Variants in PAK5 observed in about 807,000 individuals in gnomAD.
PAK5 encodes the protein serine/threonine-protein kinase PAK 5.
In PAK5, 16 loss-of-function variants were observed where a neutral mutation model predicts 65.9. That is an observed-to-expected ratio of 0.24 (90% CI 0.16 to 0.37). The LOEUF (loss-of-function observed/expected upper bound fraction) is 0.37. Ranked by LOEUF, PAK5 falls within the 10% of genes least tolerant of loss-of-function variation. PAK5 has a pLI of 1.00. For synonymous variants in PAK5, 371 were observed against 354.9 expected (o/e 1.05, Z -0.51); for missense variants, 785 against 903.9 (o/e 0.87, Z 1.69).
At chr20:9,641,778 G>A (rs556531351) in intron 3 of PAK5, among the ~76,000 whole-genome samples, 2,073 of 152,246 alleles carry the variant, frequency 0.014, 18 homozygotes, top group Middle Eastern at 0.037. Flanking sequence ...GCACAGCGCC[G>A]GTGGGCCGGC....
chr20:9,686,954 G>A (rs1429703573), intron 2 of PAK5, among the ~76,000 whole-genome samples: 1 of 152,192 alleles, frequency 6.6e-6, no homozygotes, highest in Non-Finnish European at 1.5e-5. Flanking sequence ...GTGACTCAGT[G>A]TGTGACTGAG....
chr20:9,685,292 A>G (rs1387376992), intron 2 of PAK5, among the ~76,000 whole-genome samples: 2 of 152,158 alleles, frequency 1.3e-5, no homozygotes, highest in East Asian at 3.8e-4. Context: ...TGAAGTCCTA[A>G]CTTCCAAGGT....
At chr20:9,684,035 T>A (rs776019444) in intron 2 of PAK5, among the ~76,000 whole-genome samples, 5 of 152,208 alleles carry the variant, frequency 3.3e-5, no homozygotes, top group Non-Finnish European at 7.3e-5. Context: ...GGGTCCCTGA[T>A]GGAGCATGTG....
At chr20:9,754,427 A>T (rs1202466958) in intron 1 of PAK5, among the ~76,000 whole-genome samples, 1 of 152,018 alleles carries the variant, frequency 6.6e-6, no homozygotes, top group African/African-American at 2.4e-5. Context: ...TGTTGAGTCC[A>T]TTCCTGGGTG....
chr20:9,644,880 T>C lies in PAK5; in HGVS notation c.-11-541A>G, dbSNP rs1199142907. Among the ~76,000 whole-genome samples, 3 of 152,192 alleles carry C rather than the reference T, an allele frequency of 2.0e-5. No homozygotes were observed. The East Asian group carries it at 5.8e-4, about 29-fold the overall frequency. ...AATGTATGTAATGAAGCCACTGAGA[T>C]TTTGGCCTTGTTTGTTATATAGCAT... On this transcript the variant is annotated intron_variant, in intron 2 of 9. Coordinates refer to ENST00000353224, the MANE Select transcript of PAK5 (RefSeq NM_177990.4).
intron 1 of PAK5, among the ~76,000 whole-genome samples, chr20:9,757,303 A>G (rs1359708017): frequency 6.6e-6 from 1 of 152,180 alleles, no homozygotes; most frequent in Non-Finnish European, 1.5e-5. Flanking sequence ...CATAAACCTA[A>G]CAACTTCTTA....
intron 2 of PAK5, among the ~76,000 whole-genome samples, chr20:9,672,452 T>C (rs1209341875): frequency 6.6e-6 from 1 of 150,982 alleles, no homozygotes; most frequent in Admixed American, 6.6e-5. Flanking sequence ...AATTGAACCA[T>C]GGGGGTGGGT....
intron 2 of PAK5, among the ~76,000 whole-genome samples, chr20:9,708,793 T>G (rs1442115172): frequency 6.6e-6 from 1 of 152,148 alleles, no homozygotes; most frequent in Admixed American, 6.5e-5. Flanking sequence ...TGGGAGAAGA[T>G]AGCTAAATAC....
chr20:9,788,451 C>G (rs935000994), intron 1 of PAK5, among the ~76,000 whole-genome samples: 4 of 152,072 alleles, frequency 2.6e-5, no homozygotes, highest in Non-Finnish European at 5.9e-5. Context: ...ACAGCTAACC[C>G]TCTTCAACTG....
At chr20:9,811,788 C>T (rs962416408) in intron 1 of PAK5, among the ~76,000 whole-genome samples, 12 of 152,282 alleles carry the variant, frequency 7.9e-5, no homozygotes, top group African/African-American at 2.4e-4. Context: ...CAAAGTTGGA[C>T]AATGGAAGAA....
chr20:9,667,640 C>G (rs1261257757), intron 2 of PAK5, among the ~76,000 whole-genome samples: 1 of 152,126 alleles, frequency 6.6e-6, no homozygotes, highest in Non-Finnish European at 1.5e-5. Context: ...AATCACCCAA[C>G]CAAATGTTGA....
intron 1 of PAK5, among the ~76,000 whole-genome samples, chr20:9,834,787 A>G (rs924470041): frequency 2.6e-5 from 4 of 152,120 alleles, no homozygotes; most frequent in Non-Finnish European, 5.9e-5. Flanking sequence ...TAAATGTATT[A>G]TTTATTTATT....
At chr20:9,601,841 G>C (rs1004021677) in intron 3 of PAK5, among the ~76,000 whole-genome samples, 3 of 152,122 alleles carry the variant, frequency 2.0e-5, no homozygotes, top group African/African-American at 7.2e-5. Context: ...GAACAGACCT[G>C]AACCCAACCT....
At position 9,665,590 on chromosome 20, in the gene PAK5, C is replaced by T. The variant is rs2047405837; in HGVS notation, c.-11-21251G>A. On this transcript the variant is annotated intron_variant, in intron 2 of 9. Transcript: ENST00000353224. ...CTCAGTCTCCTGGGCTCAAGTCATC[C>T]TCCCACCTCAGCCTCCTGATTAGCT... Among the ~76,000 whole-genome samples the T allele has an allele frequency of 2.0e-5, 3 of 152,064 alleles. No individual in the cohort carries two copies. In the South Asian group the frequency reaches 6.2e-4, roughly 32 times the overall value.
At chr20:9,581,290 G>A (rs1464762386) in intron 3 of PAK5, among the ~76,000 whole-genome samples, 1 of 152,088 alleles carries the variant, frequency 6.6e-6, no homozygotes, top group South Asian at 2.1e-4. Context: ...CTAATGATGA[G>A]CTGATAATTA....
intron 3 of PAK5, among the ~76,000 whole-genome samples, chr20:9,600,593 A>G (rs2046342606): frequency 1.3e-5 from 2 of 152,206 alleles, no homozygotes; most frequent in South Asian, 4.1e-4. Flanking sequence ...CTTATTTGTC[A>G]TAATAGATAA....
At chr20:9,661,994 C>G (rs1279771310) in intron 2 of PAK5, among the ~76,000 whole-genome samples, 4 of 152,142 alleles carry the variant, frequency 2.6e-5, no homozygotes, top group African/African-American at 9.7e-5. Context: ...TCCTGGAAGA[C>G]AGAAGGCCCT....
At chr20:9,761,490 A>G (rs1013373778) in intron 1 of PAK5, among the ~76,000 whole-genome samples, 3 of 152,204 alleles carry the variant, frequency 2.0e-5, no homozygotes, top group African/African-American at 7.2e-5. Flanking sequence ...ATTTTGCATC[A>G]AAATTCTATC....
intron 7 of PAK5, among the ~76,000 whole-genome samples, chr20:9,546,601 G>A (rs1342759398): frequency 6.6e-6 from 1 of 152,146 alleles, no homozygotes; most frequent in Non-Finnish European, 1.5e-5. Context: ...CGAAATTGAG[G>A]CATTACAGGA....
Sources: gnomAD v4.1 joint callset for allele counts (sites outside exome capture counted in the v4.1 genomes callset) on GRCh38, gnomAD v4.1.1 for gene constraint, MANE v1.5 for transcripts, NCBI Gene and HGNC (gene_info 2026-07-23, HGNC 2026-07-21) for gene names.